Variants in TTC3 observed in about 807,000 individuals in gnomAD.
TTC3 encodes E3 ubiquitin-protein ligase TTC3.
Under a neutral mutation model 249.6 loss-of-function variants are expected in TTC3, and 180 were observed. The observed-to-expected ratio is 0.72, with a 90% CI of 0.64 to 0.82. The LOEUF (loss-of-function observed/expected upper bound fraction) is 0.82, where lower values mean the gene tolerates loss of function less well. Among genes scored for constraint, TTC3 ranks in the 40% least tolerant of loss-of-function variants. TTC3 has a pLI of 0.00. For missense variants in TTC3, 2,061 were observed against 2,398.4 expected (o/e 0.86, Z 2.94); for synonymous variants, 717 against 805.0 (o/e 0.89, Z 1.85).
chr21:37,160,313 A>G (rs1009988309), intron 29 of TTC3, among the ~76,000 whole-genome samples: 4 of 152,232 alleles, frequency 2.6e-5, no homozygotes, highest in African/African-American at 7.2e-5. Context: ...TCATCTATCT[A>G]TATGAAATTT....
In TTC3 at chr21:37,123,001, A is replaced by G; in HGVS notation, c.1082A>G (p.Asp361Gly). The G allele has an allele frequency of 1.2e-6, 2 of 1,614,020 alleles. No individual in the cohort carries two copies. Among genetic ancestry groups the G allele is most frequent in the Non-Finnish European group, 1.7e-6 (2 of 1,179,964 alleles). The change falls in exon 13 of 46, where the codon GAT becomes GGT. Residue 361 changes from aspartate to glycine, a missense_variant. Around this residue, in one of 3 missense-constraint regions of TTC3, gnomAD observed 989 missense variants for 1,145.1 expected, o/e 0.86. Coordinates refer to ENST00000355666, the Ensembl canonical transcript of TTC3. ...TTTATAGGTCGAACAGCAAATAAGG[A>G]TCCAATTAAAGCCTTTTATGAAAAC...
chr21:37,160,736 T>G (rs989525855), intron 29 of TTC3, 66 bp from the exon 30 acceptor site: 6 of 1,531,910 alleles, frequency 3.9e-6, no homozygotes, highest in African/African-American at 1.4e-5. Context: ...CTCATATGGT[T>G]TCTTTATGTT....
chr21:37,122,439 A>ATATATAATATATATATATATAT (rs2076690916), intron 12 of TTC3, among the ~76,000 whole-genome samples: 2 of 23,298 alleles, frequency 8.6e-5, no homozygotes, highest in African/African-American at 3.3e-4. Context: ...TATATATATT[A>ATATATAATATATATATATATAT]TATATATATA....
intron 39 of TTC3, among the ~76,000 whole-genome samples, chr21:37,190,814 AT>A (rs2083996803): frequency 6.6e-6 from 1 of 152,150 alleles, no homozygotes; most frequent in Non-Finnish European, 1.5e-5. Flanking sequence ...AGTGTTTTTG[AT>A]CTTCTCAATT....
intron 10 of TTC3, among the ~76,000 whole-genome samples, chr21:37,107,518 T>G (rs143361986): frequency 6.6e-6 from 1 of 152,232 alleles, no homozygotes; most frequent in African/African-American, 2.4e-5. Flanking sequence ...GAAAGTACAT[T>G]TAATAATGTA....
At chr21:37,140,219 C>A (rs2078312534) in intron 19 of TTC3, among the ~76,000 whole-genome samples, 1 of 152,072 alleles carries the variant, frequency 6.6e-6, no homozygotes, top group Non-Finnish European at 1.5e-5. Flanking sequence ...TGTGTTTACA[C>A]CATAATTAGC....
At chr21:37,188,854 A>G (rs571611194) in intron 39 of TTC3, among the ~76,000 whole-genome samples, 2 of 152,354 alleles carry the variant, frequency 1.3e-5, no homozygotes, top group Non-Finnish European at 2.9e-5. Flanking sequence ...AATTATTTTT[A>G]CTAAATAGTA....
chr21:37,188,748 C>A, intron 39 of TTC3, 153 bp downstream of exon 39: 2 of 464,986 alleles, frequency 4.3e-6, no homozygotes, highest in Non-Finnish European at 7.6e-6. Context: ...GACATACAAA[C>A]AAAAATGATA....
chr21:37,149,300 A>T (rs1291489996), intron 23 of TTC3, among the ~76,000 whole-genome samples: 1 of 152,196 alleles, frequency 6.6e-6, no homozygotes, highest in Non-Finnish European at 1.5e-5. Context: ...CACTGTTCTT[A>T]TTGGGGAAAG....
chr21:37,171,826 CT>C (rs2081824823), intron 34 of TTC3, among the ~76,000 whole-genome samples: 4 of 152,158 alleles, frequency 2.6e-5, no homozygotes, highest in Admixed American at 2.6e-4. Context: ...TGATTCCCTG[CT>C]TTTTTACACT....
At chr21:37,165,645 A>G in exon 33 of TTC3, 1 of 1,614,168 alleles carries the variant, frequency 6.2e-7, no homozygotes, top group Non-Finnish European at 8.5e-7. Flanking sequence ...GAAACTCGAC[A>G]GATACTAGAA....
Position 37,182,931 on chromosome 21 carries a change from G to A in TTC3, c.4757+18G>A. On this transcript the variant is annotated intron_variant, in intron 36 of 45. Transcript: ENST00000355666. ...AGTGAAATGTAAGTAATGATTGAAA[G>A]GCAGTAATTTTTATTTAAAAAAAAA... 5 of 1,517,012 alleles carry A rather than the reference G, an allele frequency of 3.3e-6. 1 individual carries two copies. The South Asian group carries it at 5.2e-5, about 16-fold the overall frequency. The allele number at this position is 1,517,012 out of a possible 1,614,324, so 94.0% of individuals were successfully genotyped here.
chr21:37,110,113 CAG>C (rs2075513130), intron 11 of TTC3, among the ~76,000 whole-genome samples: 1 of 152,202 alleles, frequency 6.6e-6, no homozygotes, highest in Non-Finnish European at 1.5e-5. Context: ...GGGGAAAAAA[CAG>C]AGCAGAAAAA....
chr21:37,082,312 A>AG (rs141450682), intron 1 of TTC3: 5,707 of 165,214 alleles, frequency 0.035, 323 homozygotes, highest in African/African-American at 0.13. Flanking sequence ...ATCCTTGAGG[A>AG]GGGGGATGTC....
chr21:37,157,081 C>A, intron 28 of TTC3, 175 bp downstream of exon 28: 1 of 1,356,048 alleles, frequency 7.4e-7, no homozygotes, highest in Non-Finnish European at 1.0e-6. Flanking sequence ...TATCATGAAG[C>A]TTTTTTACTT....
At chr21:37,188,359 A>G (rs564019863) in intron 38 of TTC3, 136 bp from the exon 39 acceptor site, 27 of 614,664 alleles carry the variant, frequency 4.4e-5, no homozygotes, top group South Asian at 6.3e-5. Context: ...CTATGATACA[A>G]TCAAGTTCTG....
chr21:37,133,620 AGT>A (rs1044122070), intron 17 of TTC3, among the ~76,000 whole-genome samples: 19 of 152,266 alleles, frequency 1.2e-4, no homozygotes, highest in Admixed American at 9.2e-4. Flanking sequence ...TATGCTGGGG[AGT>A]GAGAGAGATT....
chr21:37,096,204 C>T (rs549130294), intron 9 of TTC3, among the ~76,000 whole-genome samples: 2 of 152,214 alleles, frequency 1.3e-5, no homozygotes, highest in Non-Finnish European at 2.9e-5. Flanking sequence ...CTGTAGGCTT[C>T]CTTTCTCAGT....
At chr21:37,197,729 T>C in intron 43 of TTC3, 33 bp downstream of exon 43, 1 of 1,540,054 alleles carries the variant, frequency 6.5e-7, no homozygotes, top group Non-Finnish European at 8.7e-7. Context: ...TTTATCCTTA[T>C]TTATTTATAA....
Sources: gnomAD v4.1 joint callset for allele counts (sites outside exome capture counted in the v4.1 genomes callset) on GRCh38, gnomAD v4.1.1 for gene constraint, gnomAD v4.1.1 regional missense constraint, MANE v1.5 for transcripts, NCBI Gene and HGNC (gene_info 2026-07-23, HGNC 2026-07-21) for gene names.